The following PDSS2 variants were observed in gnomAD, a reference collection of about 807,000 sequenced individuals.
PDSS2 encodes the protein all trans-polyprenyl-diphosphate synthase PDSS2.
PDSS2 carries 31 observed loss-of-function variants against 44.5 expected under a neutral mutation model. The ratio of observed to expected loss-of-function variants is 0.70; its 90% CI spans 0.52 to 0.94. The LOEUF (loss-of-function observed/expected upper bound fraction) is 0.94. PDSS2 is among the 40% of genes least tolerant of loss of function. The probability of loss-of-function intolerance (pLI) is 0.00; values close to 1 mark genes in which losing one functional copy is unlikely to be tolerated. For missense variants in PDSS2, 452 were observed against 482.2 expected, an observed-to-expected ratio of 0.94 and a Z score of 0.59; for synonymous variants, 157 against 180.3, an observed-to-expected ratio of 0.87 and a Z score of 1.03.
intron 1 of PDSS2, among the ~76,000 whole-genome samples, chr6:107,379,555 T>G (rs1779393285): frequency 1.3e-5 from 2 of 152,204 alleles, no homozygotes; most frequent in African/African-American, 2.4e-5. Context: ...AGCTCTTGTA[T>G]TTTTTGCTTT....
intron 1 of PDSS2, among the ~76,000 whole-genome samples, chr6:107,364,093 AGG>A (rs1007309241): frequency 1.3e-5 from 2 of 152,240 alleles, no homozygotes; most frequent in Non-Finnish European, 2.9e-5. Flanking sequence ...AGCTAAACAC[AGG>A]GTGCTGAGTG....
intron 1 of PDSS2, among the ~76,000 whole-genome samples, chr6:107,392,651 T>C (rs748165881): frequency 6.6e-5 from 10 of 152,210 alleles, no homozygotes; most frequent in Non-Finnish European, 5.9e-5. Context: ...CAAACATTAC[T>C]GTCTTCTAAC....
intron 1 of PDSS2, among the ~76,000 whole-genome samples, chr6:107,360,195 G>T (rs112723225): frequency 1.3e-5 from 2 of 152,170 alleles, no homozygotes; most frequent in African/African-American, 2.4e-5. Context: ...AGATCAAGGC[G>T]CAAATAATTG....
At chr6:107,334,508 T>C (rs1394947180) in intron 1 of PDSS2, among the ~76,000 whole-genome samples, 176 bp from the exon 2 acceptor site, 1 of 145,506 alleles carries the variant, frequency 6.9e-6, no homozygotes, top group East Asian at 2.0e-4. Flanking sequence ...AGGAAACAAC[T>C]AGAGAAATCT....
chr6:107,240,678 G>A (rs1004057049), intron 4 of PDSS2, among the ~76,000 whole-genome samples: 3 of 151,250 alleles, frequency 2.0e-5, no homozygotes, highest in East Asian at 1.9e-4. Flanking sequence ...GATTACAGGC[G>A]TGAGCCACCG....
At chr6:107,406,922 A>C (rs1472269033) in intron 1 of PDSS2, among the ~76,000 whole-genome samples, 1 of 152,222 alleles carries the variant, frequency 6.6e-6, no homozygotes, top group African/African-American at 2.4e-5. Context: ...TGCAATCTCC[A>C]GGGGAGATTA....
At position 107,458,980 on chromosome 6, in the gene PDSS2, G is replaced by A; in HGVS notation, c.296+10C>T. On this transcript the variant is annotated intron_variant, in intron 1 of 7. Transcript: ENST00000369037. ...AGTGCGAGTGTGTCAGCGGGAGAGG[G>A]GTAGCTCACCTGGCTGTGGTAAGCA... The A allele has an allele frequency of 6.2e-7, 1 of 1,613,048 alleles. No individual in the cohort carries two copies. Among genetic ancestry groups the A allele is most frequent in the Non-Finnish European group, 8.5e-7 (1 of 1,179,146 alleles).
chr6:107,336,714 T>C (rs1187223048), intron 1 of PDSS2, among the ~76,000 whole-genome samples: 1 of 151,886 alleles, frequency 6.6e-6, no homozygotes, highest in Non-Finnish European at 1.5e-5. Flanking sequence ...GCTACTAGAT[T>C]CTTATTTATG....
At chr6:107,230,064 A>T (rs1458485503) in intron 4 of PDSS2, 1 of 187,098 alleles carries the variant, frequency 5.3e-6, no homozygotes, top group Admixed American at 5.0e-5. Context: ...AAAAGACCTG[A>T]AGAAACAAAA....
At chr6:107,403,121 C>T (rs1258642345) in intron 1 of PDSS2, among the ~76,000 whole-genome samples, 2 of 152,194 alleles carry the variant, frequency 1.3e-5, no homozygotes, top group Admixed American at 6.5e-5. Context: ...ACTTCCTAGA[C>T]ACAATGGGAG....
At chr6:107,274,330 C>T (rs1775700971) in intron 2 of PDSS2, 103 bp from the exon 3 acceptor site, 2 of 920,452 alleles carry the variant, frequency 2.2e-6, no homozygotes, top group Non-Finnish European at 1.7e-6. Flanking sequence ...GGTTGCCCCC[C>T]ACTTTTTTTT....
chr6:107,452,298 C>G, intron 1 of PDSS2, among the ~76,000 whole-genome samples: 1 of 151,782 alleles, frequency 6.6e-6, no homozygotes, highest in South Asian at 2.1e-4. Context: ...AGTGCAGTGC[C>G]GCGATCTCAC....
At chr6:107,180,677 A>T (rs1451765825) in intron 7 of PDSS2, among the ~76,000 whole-genome samples, 2 of 152,178 alleles carry the variant, frequency 1.3e-5, no homozygotes, top group Non-Finnish European at 2.9e-5. Flanking sequence ...CAACGATCTA[A>T]GCCTGACTTA....
intron 6 of PDSS2, among the ~76,000 whole-genome samples, chr6:107,208,625 T>TG (rs148716960): frequency 4.1e-5 from 6 of 146,464 alleles, no homozygotes; most frequent in African/African-American, 1.5e-4. Context: ...TTTTTTTTTT[T>TG]GGGGACGGAG....
intron 2 of PDSS2, among the ~76,000 whole-genome samples, chr6:107,299,162 A>G (rs1437931862): frequency 2.0e-5 from 3 of 149,854 alleles, no homozygotes; most frequent in African/African-American, 7.4e-5. Flanking sequence ...AAAAAAAAAA[A>G]AAAAAAAGAA....
At chr6:107,454,293 CT>C (rs1208533204) in intron 1 of PDSS2, among the ~76,000 whole-genome samples, 1 of 152,126 alleles carries the variant, frequency 6.6e-6, no homozygotes, top group Non-Finnish European at 1.5e-5. Flanking sequence ...AGCAATCTGC[CT>C]ACCTTGGCCT....
Position 107,265,015 on chromosome 6 carries a change from C to T in PDSS2, c.630+9014G>A, listed in dbSNP as rs574099000. Among the ~76,000 whole-genome samples the T allele has an allele frequency of 7.2e-5, 11 of 152,298 alleles. No individual in the cohort carries two copies. The East Asian group carries it at 1.4e-3, about 19-fold the overall frequency. The stretch of plus-strand genomic sequence containing the variant: ...AATTGAAAATGAATGAAAACCCAAG[C>T]ATTAATTTTTAAATTCCCTCTTGAA... On this transcript the variant is annotated intron_variant, in intron 3 of 7. Coordinates refer to ENST00000369037, the MANE Select transcript of PDSS2 (RefSeq NM_020381.4).
intron 1 of PDSS2, among the ~76,000 whole-genome samples, chr6:107,445,724 C>T (rs1781651466): frequency 6.6e-6 from 1 of 152,180 alleles, no homozygotes; most frequent in South Asian, 2.1e-4. Flanking sequence ...TCCTTACCTG[C>T]CACATTCAGA....
intron 1 of PDSS2, among the ~76,000 whole-genome samples, chr6:107,438,364 A>T (rs1419458884): frequency 6.6e-6 from 1 of 152,032 alleles, no homozygotes; most frequent in Non-Finnish European, 1.5e-5. Context: ...ATGCACCACC[A>T]CACCGGCTAA....
Sources: allele counts gnomAD v4.1 joint callset (sites outside exome capture counted in the v4.1 genomes callset), GRCh38; gene constraint gnomAD v4.1.1; transcripts MANE v1.5; gene names NCBI Gene and HGNC (gene_info 2026-07-23, HGNC 2026-07-21).